The following CASP5 variants were observed in gnomAD, a reference collection of about 807,000 sequenced individuals.
CASP5 encodes the protein caspase 5, also known as caspase-5.
In CASP5, 42 loss-of-function variants were observed where a neutral mutation model predicts 45.2. The observed-to-expected ratio is 0.93, with a 90% CI of 0.73 to 1.20. CASP5 has a LOEUF of 1.20. Ranked by LOEUF, CASP5 falls within the 50% of genes most tolerant of loss-of-function variation. The pLI, the probability that CASP5 is intolerant of heterozygous loss-of-function variation, is 0.00. For missense variants in CASP5, 512 were observed against 532.2 expected (o/e 0.96, Z 0.37); for synonymous variants, 209 against 186.2 (o/e 1.12, Z -1.00).
chr11:105,022,333 GA>G (rs1001707160), intron 1 of CASP5, among the ~76,000 whole-genome samples: 6 of 148,970 alleles, frequency 4.0e-5, no homozygotes, highest in African/African-American at 7.4e-5. Flanking sequence ...ATAAATTAAA[GA>G]AAAAAAAAGA....
intron 1 of CASP5, among the ~76,000 whole-genome samples, chr11:105,018,514 G>C (rs1591179188): frequency 6.7e-6 from 1 of 148,738 alleles, no homozygotes; most frequent in African/African-American, 2.5e-5. Flanking sequence ...CCTAGTCTCT[G>C]ATAAAACAGA....
In CASP5 at chr11:105,021,500, G is replaced by C. The variant is rs1242225146; in HGVS notation, c.7+1630C>G. Among the ~76,000 whole-genome samples, 3 of 150,662 alleles carry C rather than the reference G, an allele frequency of 2.0e-5. No individual in the cohort carries two copies. The East Asian group carries it at 5.8e-4, about 29-fold the overall frequency. ...CAACCCCATCAAAAAGTGGGCGAAG[G>C]ACATGAACAGACACTTCTCAAAAGA... On this transcript the variant is annotated intron_variant, in intron 1 of 9. Transcript: ENST00000260315.
At chr11:104,999,094 G>A (rs560668207) in intron 6 of CASP5, 66 bp from the exon 7 acceptor site, 6 of 1,407,586 alleles carry the variant, frequency 4.3e-6, no homozygotes, top group South Asian at 1.3e-5. Flanking sequence ...AATGCAGAAC[G>A]TGTAGGTTTG....
At chr11:104,999,146 TC>T in intron 6 of CASP5, 118 bp from the exon 7 acceptor site, 5 of 842,304 alleles carry the variant, frequency 5.9e-6, no homozygotes, top group African/African-American at 1.7e-5. Context: ...GCTGCACCTA[TC>T]ATATAGGTTT....
At chr11:105,009,792 CGTATATATATATAT>C (rs1565388269) in intron 1 of CASP5, among the ~76,000 whole-genome samples, 26 of 88,698 alleles carry the variant, frequency 2.9e-4, no homozygotes, top group Admixed American at 5.6e-4. Flanking sequence ...TATATACACA[CGTATATATATATAT>C]ACACACACAT....
chr11:105,007,879 T>G (rs1375377446), intron 2 of CASP5, among the ~76,000 whole-genome samples: 1 of 152,154 alleles, frequency 6.6e-6, no homozygotes, highest in Non-Finnish European at 1.5e-5. Flanking sequence ...TTAGCATGCT[T>G]GCTAAATACA....
intron 1 of CASP5, among the ~76,000 whole-genome samples, chr11:105,017,500 G>A (rs1444240105): frequency 2.0e-4 from 30 of 150,998 alleles, no homozygotes; most frequent in South Asian, 4.2e-4. Context: ...CGAGAACTAC[G>A]TGAAGAATGC....
At chr11:105,006,311 A>C (rs1266532656) in intron 3 of CASP5, among the ~76,000 whole-genome samples, 1 of 152,186 alleles carries the variant, frequency 6.6e-6, no homozygotes, top group Non-Finnish European at 1.5e-5. Flanking sequence ...AGCACTCTTT[A>C]TTGCATGCGT....
chr11:105,004,934 C>G (rs1283009000), intron 3 of CASP5, among the ~76,000 whole-genome samples: 2 of 152,102 alleles, frequency 1.3e-5, no homozygotes, highest in Non-Finnish European at 2.9e-5. Flanking sequence ...TAACAGTCAT[C>G]TCCTAAGACT....
intron 1 of CASP5, among the ~76,000 whole-genome samples, chr11:105,016,688 C>G (rs1280251620): frequency 1.3e-5 from 2 of 152,074 alleles, no homozygotes; most frequent in Non-Finnish European, 2.9e-5. Flanking sequence ...GCTAGCACAG[C>G]AGTCTGAGAT....
chr11:104,997,494 T>G lies in CASP5; in HGVS notation c.1097-2A>C. 6.3e-7 allele frequency: 1 copy of G among 1,593,316 alleles called. No homozygotes were observed. The highest frequency in any genetic ancestry group is 1.7e-4 in the Middle Eastern group (1 of 6,006). The stretch of plus-strand genomic sequence containing the variant: ...TGCGGTCTCTCCAGGACACGTTATC[T>G]ATGATGATACAGCCTGGTATGCCTT... On this transcript the variant is annotated splice_acceptor_variant, in intron 7 of 9. Transcript: ENST00000260315. LOFTEE classifies it high-confidence loss of function.
intron 1 of CASP5, among the ~76,000 whole-genome samples, chr11:105,009,808 C>T (rs1187837567): frequency 1.3e-4 from 13 of 97,198 alleles, no homozygotes; most frequent in East Asian, 8.1e-4. Flanking sequence ...TATATATATA[C>T]ACACACATAT....
At chr11:105,016,578 C>A (rs1212189677) in intron 1 of CASP5, among the ~76,000 whole-genome samples, 1 of 152,124 alleles carries the variant, frequency 6.6e-6, no homozygotes, top group Non-Finnish European at 1.5e-5. Flanking sequence ...GTCACTTCCA[C>A]CCGAATACTG....
At chr11:105,003,601 A>T (rs1861858218) in intron 3 of CASP5, among the ~76,000 whole-genome samples, 1 of 152,012 alleles carries the variant, frequency 6.6e-6, no homozygotes, top group African/African-American at 2.4e-5. Flanking sequence ...AGAAGATGCA[A>T]CTATAGATTC....
At chr11:105,020,732 C>T (rs1454682283) in intron 1 of CASP5, among the ~76,000 whole-genome samples, 1 of 151,802 alleles carries the variant, frequency 6.6e-6, no homozygotes. Context: ...GGCCATACTG[C>T]CCAAGATAAT....
chr11:105,016,362 A>C (rs1345216413), intron 1 of CASP5, among the ~76,000 whole-genome samples: 13 of 152,176 alleles, frequency 8.5e-5, no homozygotes, highest in Non-Finnish European at 1.8e-4. Flanking sequence ...GAGCGAGCAG[A>C]AGACGGGTGA....
chr11:105,021,084 GC>G (rs1565395925), intron 1 of CASP5, among the ~76,000 whole-genome samples: 2 of 151,976 alleles, frequency 1.3e-5, no homozygotes, highest in Non-Finnish European at 2.9e-5. Context: ...AATAAATGGT[GC>G]TGGGAAAACT....
intron 7 of CASP5, among the ~76,000 whole-genome samples, chr11:104,998,447 A>C (rs1262318954): frequency 6.6e-6 from 1 of 152,172 alleles, no homozygotes; most frequent in Non-Finnish European, 1.5e-5. Context: ...ACACTTAATA[A>C]CATTGCTCTT....
intron 1 of CASP5, among the ~76,000 whole-genome samples, chr11:105,009,746 TATATATATATATAC>T (rs1212473815): frequency 4.5e-5 from 3 of 65,986 alleles, no homozygotes; most frequent in African/African-American, 1.8e-4. Context: ...TATATATATA[TATATATATATATAC>T]ACACACACAC....
Sources: allele counts gnomAD v4.1 joint callset (sites outside exome capture counted in the v4.1 genomes callset), GRCh38; gene constraint gnomAD v4.1.1; transcripts MANE v1.5; gene names NCBI Gene and HGNC (gene_info 2026-07-23, HGNC 2026-07-21).